The following PDE7A variants were observed in gnomAD, a reference collection of about 807,000 sequenced individuals.
The protein encoded by PDE7A is high affinity 3',5'-cyclic-AMP phosphodiesterase 7A.
A neutral mutation model predicts 64.3 loss-of-function variants in PDE7A; 39 were observed. That is an observed-to-expected ratio of 0.61 (90% CI 0.47 to 0.79). The LOEUF (loss-of-function observed/expected upper bound fraction) is 0.79, where lower values mean the gene tolerates loss of function less well. Ranked by LOEUF, PDE7A falls within the 30% of genes least tolerant of loss-of-function variation. The pLI is 0.00. For missense variants in PDE7A, 470 were observed against 582.8 expected (o/e 0.81, Z 1.99); for synonymous variants, 203 against 206.8 (o/e 0.98, Z 0.16).
intron 3 of PDE7A, among the ~76,000 whole-genome samples, chr8:65,753,966 A>G (rs963216592): frequency 1.3e-5 from 2 of 152,002 alleles, no homozygotes; most frequent in Admixed American, 1.3e-4. Context: ...TATTATCTGC[A>G]TGGTATGTTA....
At chr8:65,806,582 T>C (rs1563514790) in intron 1 of PDE7A, among the ~76,000 whole-genome samples, 2 of 152,386 alleles carry the variant, frequency 1.3e-5, no homozygotes, top group African/African-American at 4.8e-5. Flanking sequence ...TACCACAATA[T>C]TAACTTATGT....
rs78030555 is a variant in PDE7A, at chr8:65,769,654, G to C, written c.283+10066C>G. On this transcript the variant is annotated intron_variant, in intron 3 of 12. Transcript: ENST00000401827. The stretch of plus-strand genomic sequence containing the variant: ...CTCATACCTGTAATCCCAGCACTTT[G>C]GGAGGCTGACGCAGGCAGATGACTT... 2.0e-3 allele frequency among the ~76,000 whole-genome samples: 303 copies of C among 152,322 alleles called. 2 individuals are homozygous for C. The East Asian group carries it at 0.049, about 25-fold the overall frequency.
At chr8:65,749,042 G>C (rs968751909) in intron 3 of PDE7A, among the ~76,000 whole-genome samples, 11 of 152,144 alleles carry the variant, frequency 7.2e-5, no homozygotes, top group African/African-American at 2.2e-4. Context: ...GCTCTTTGTA[G>C]ACTTGACTCA....
chr8:65,812,133 G>C (rs1001375729), intron 1 of PDE7A, among the ~76,000 whole-genome samples: 7 of 151,870 alleles, frequency 4.6e-5, no homozygotes, highest in Non-Finnish European at 7.4e-5. Flanking sequence ...TTTGAACTCA[G>C]GAGGTGGAGG....
In PDE7A at chr8:65,717,814, T is replaced by A. The variant is rs1806201284; in HGVS notation, c.*1476A>T. On this transcript the variant is annotated 3_prime_UTR_variant, in exon 13 of 13. Transcript: ENST00000401827. ...CAAGAAAATGGCTGTTGCAACAAAC[T>A]GTAAACAATTAATAAACAGTCTTTT... is the stretch of plus-strand genomic sequence containing the variant. 1 of 152,196 alleles carries A rather than the reference T, an allele frequency of 6.6e-6. No homozygotes were observed. The highest frequency in any genetic ancestry group is 2.4e-5 in the African/African-American group (1 of 41,444). 9.4% of individuals were successfully genotyped at this position (152,196 alleles called of 1,614,324 possible).
At chr8:65,733,377 T>C (rs559708776) in intron 7 of PDE7A, among the ~76,000 whole-genome samples, 59 of 152,252 alleles carry the variant, frequency 3.9e-4, no homozygotes, top group Admixed American at 1.8e-3. Context: ...ACTTACCAGA[T>C]TGTATGGTGA....
At chr8:65,798,206 A>ATATATATATATATATATATTTTTTTT in intron 1 of PDE7A, among the ~76,000 whole-genome samples, 1 of 73,834 alleles carries the variant, frequency 1.4e-5, no homozygotes, top group African/African-American at 5.8e-5. Context: ...ATATATATAT[A>ATATATATATATATATATATTTTTTTT]TTTTTTTTTT....
chr8:65,776,930 A>G (rs1378945866), intron 3 of PDE7A, among the ~76,000 whole-genome samples: 2 of 152,236 alleles, frequency 1.3e-5, no homozygotes, highest in African/African-American at 4.8e-5. Flanking sequence ...TTGATTTCTC[A>G]TCGCAGAAAG....
At chr8:65,799,340 T>C (rs192614869) in intron 1 of PDE7A, among the ~76,000 whole-genome samples, 209 of 151,762 alleles carry the variant, frequency 1.4e-3, no homozygotes, top group Non-Finnish European at 2.4e-3. Context: ...AACAAGAGGG[T>C]TGAGACCACA....
intron 1 of PDE7A, among the ~76,000 whole-genome samples, chr8:65,837,829 T>G (rs1375952807): frequency 6.6e-6 from 1 of 152,170 alleles, no homozygotes; most frequent in Non-Finnish European, 1.5e-5. Flanking sequence ...CCAGAATACC[T>G]GCATCAGCTG....
chr8:65,815,396 T>C (rs1810375767), intron 1 of PDE7A, among the ~76,000 whole-genome samples: 1 of 152,220 alleles, frequency 6.6e-6, no homozygotes, highest in Admixed American at 6.5e-5. Flanking sequence ...TTTACCTTTT[T>C]ACACTTTAGA....
intron 1 of PDE7A, among the ~76,000 whole-genome samples, chr8:65,798,654 C>T (rs149653330): frequency 2.6e-5 from 4 of 152,118 alleles, no homozygotes; most frequent in Non-Finnish European, 5.9e-5. Context: ...CAGATAAATG[C>T]AAACCAATGT....
chr8:65,820,609 AGATGGAGT>A (rs1810519130), intron 1 of PDE7A, among the ~76,000 whole-genome samples: 2 of 152,250 alleles, frequency 1.3e-5, no homozygotes, highest in Non-Finnish European at 2.9e-5. Context: ...CTGTCTTTTG[AGATGGAGT>A]CTCGCTCTGT....
chr8:65,833,304 T>A (rs1810875055), intron 1 of PDE7A, among the ~76,000 whole-genome samples: 1 of 152,146 alleles, frequency 6.6e-6, no homozygotes, highest in Non-Finnish European at 1.5e-5. Flanking sequence ...AGAGAACAAT[T>A]TAGCTGAGTT....
intron 1 of PDE7A, among the ~76,000 whole-genome samples, chr8:65,803,312 C>G (rs997642062): frequency 6.6e-6 from 1 of 152,208 alleles, no homozygotes; most frequent in Admixed American, 6.5e-5. Context: ...CTCTAAGTTA[C>G]AGCAACAGAC....
chr8:65,739,177 C>G (rs954114256), intron 6 of PDE7A, among the ~76,000 whole-genome samples: 12 of 152,290 alleles, frequency 7.9e-5, no homozygotes, highest in African/African-American at 2.9e-4. Flanking sequence ...TGCCAAACTC[C>G]TCTGCTTCTT....
intron 1 of PDE7A, among the ~76,000 whole-genome samples, chr8:65,820,310 T>G (rs1810511606): frequency 6.6e-6 from 1 of 152,178 alleles, no homozygotes; most frequent in Non-Finnish European, 1.5e-5. Context: ...GTGGGAGGAC[T>G]GCTTGAGTCC....
At chr8:65,790,295 C>T (rs1467283116) in intron 1 of PDE7A, among the ~76,000 whole-genome samples, 1 of 152,128 alleles carries the variant, frequency 6.6e-6, no homozygotes, top group Non-Finnish European at 1.5e-5. Context: ...TACTGAAGTA[C>T]TGTAGTAGAT....
chr8:65,818,428 CTCTGCTCATTTTTTTAATATAT>C (rs1291783714), intron 1 of PDE7A, among the ~76,000 whole-genome samples: 1 of 152,124 alleles, frequency 6.6e-6, no homozygotes, highest in Non-Finnish European at 1.5e-5. Context: ...TCACTGATAT[CTCTGCTCATTTTTTTAATATAT>C]TCTCATTTTG....
Sources: allele counts gnomAD v4.1 joint callset (sites outside exome capture counted in the v4.1 genomes callset), GRCh38; gene constraint gnomAD v4.1.1; transcripts MANE v1.5; gene names NCBI Gene and HGNC (gene_info 2026-07-23, HGNC 2026-07-21).